The following SLC35F1 variants were observed in gnomAD, a reference collection of about 807,000 sequenced individuals.
SLC35F1 encodes solute carrier family 35 member F1.
Under a neutral mutation model 48.7 loss-of-function variants are expected in SLC35F1, and 14 were observed. The observed-to-expected ratio is 0.29, with a 90% CI of 0.19 to 0.45. The LOEUF (loss-of-function observed/expected upper bound fraction) is 0.45, where lower values mean the gene tolerates loss of function less well. Among genes scored for constraint, SLC35F1 ranks in the 20% least tolerant of loss-of-function variants. The pLI is 1.00. For synonymous variants in SLC35F1, 190 were observed against 202.2 expected (o/e 0.94, Z 0.51); for missense variants, 404 against 500.0 (o/e 0.81, Z 1.83).
chr6:118,215,246 T>C (rs1258978252), intron 2 of SLC35F1, among the ~76,000 whole-genome samples: 3 of 151,968 alleles, frequency 2.0e-5, no homozygotes, highest in South Asian at 2.1e-4. Context: ...CCGCAAGGTA[T>C]TGAGGTAGAT....
chr6:118,140,914 C>A (rs1221124505), intron 1 of SLC35F1, among the ~76,000 whole-genome samples: 1 of 151,958 alleles, frequency 6.6e-6, no homozygotes, highest in Non-Finnish European at 1.5e-5. Context: ...TATAGCTGTA[C>A]AATGTGTTTA....
intron 4 of SLC35F1, 52 bp downstream of exon 4, chr6:118,267,206 GCAAGAAATGGAATGTTC>G: frequency 6.3e-7 from 1 of 1,599,238 alleles, no homozygotes; most frequent in Non-Finnish European, 8.6e-7. Context: ...TGAGGCCAAG[GCAAGAAATGGAATGTTC>G]ATAGTTGGGT....
chr6:118,233,960 T>TCATA (rs1440006275), intron 2 of SLC35F1, among the ~76,000 whole-genome samples: 5 of 152,170 alleles, frequency 3.3e-5, no homozygotes, highest in Admixed American at 6.5e-5. Context: ...TGGCCACAAC[T>TCATA]CATGCTTTGA....
chr6:118,099,021 A>G (rs920180535), intron 1 of SLC35F1, among the ~76,000 whole-genome samples: 5 of 152,162 alleles, frequency 3.3e-5, no homozygotes, highest in African/African-American at 1.2e-4. Flanking sequence ...CGTAGATCCA[A>G]GGGAGAAAGT....
rs369142561 is a variant in SLC35F1, at chr6:118,133,918, C to G, written c.174-20527C>G. 3.4e-4 allele frequency among the ~76,000 whole-genome samples: 52 copies of G among 152,316 alleles called. 1 individual carries two copies. In the South Asian group the frequency reaches 8.1e-3, roughly 24 times the overall value. ...TGCTCTGCTTCCTAGAAGCGTTGGC[C>G]TATCTCTCCATTGAGAACCTTCTTG... On this transcript the variant is annotated intron_variant, in intron 1 of 7. Transcript: ENST00000360388.
At chr6:117,960,186 C>T (rs970892583) in intron 1 of SLC35F1, among the ~76,000 whole-genome samples, 1 of 151,920 alleles carries the variant, frequency 6.6e-6, no homozygotes, top group African/African-American at 2.4e-5. Flanking sequence ...ATATTACAAA[C>T]TATCTATGTT....
chr6:118,104,680 T>C (rs545896482), intron 1 of SLC35F1, among the ~76,000 whole-genome samples: 265 of 150,306 alleles, frequency 1.8e-3, no homozygotes, highest in African/African-American at 6.1e-3. Flanking sequence ...AATTCTGAAC[T>C]CTCTCATCAT....
intron 1 of SLC35F1, among the ~76,000 whole-genome samples, chr6:118,091,041 T>A (rs552585616): frequency 6.6e-6 from 1 of 152,304 alleles, no homozygotes; most frequent in South Asian, 2.1e-4. Context: ...AAATAAAAGA[T>A]GTCCGGATGA....
At chr6:118,056,495 C>T (rs1772465449) in intron 1 of SLC35F1, among the ~76,000 whole-genome samples, 1 of 151,966 alleles carries the variant, frequency 6.6e-6, no homozygotes, top group African/African-American at 2.4e-5. Context: ...GAAGTAAGTC[C>T]CCTTTTATAT....
intron 1 of SLC35F1, among the ~76,000 whole-genome samples, chr6:118,118,270 G>T (rs1009789005): frequency 1.3e-5 from 2 of 151,972 alleles, no homozygotes; most frequent in Non-Finnish European, 2.9e-5. Context: ...TTCTAGTGGG[G>T]ATACACTTAA....
At chr6:118,223,955 A>G (rs950334990) in intron 2 of SLC35F1, among the ~76,000 whole-genome samples, 6 of 152,208 alleles carry the variant, frequency 3.9e-5, no homozygotes, top group Non-Finnish European at 7.3e-5. Context: ...TTTGTTCAAA[A>G]CAAAATTCAC....
chr6:118,248,316 G>A (rs1005353959), intron 3 of SLC35F1, among the ~76,000 whole-genome samples: 9 of 152,112 alleles, frequency 5.9e-5, no homozygotes, highest in Non-Finnish European at 1.0e-4. Context: ...CAAAGAAGTC[G>A]ATGTTCTGAT....
At chr6:118,285,455 GGGTGTGCTAACCTCCAT>G (rs1409341737) in intron 7 of SLC35F1, 117 bp downstream of exon 7, 1 of 1,166,630 alleles carries the variant, frequency 8.6e-7, no homozygotes, top group Non-Finnish European at 1.3e-6. Context: ...TAATGTAACT[GGGTGTGCTAACCTCCAT>G]GATTTAGGTA....
At position 118,232,409 on chromosome 6, in the gene SLC35F1, G is replaced by A. The variant is rs1439326509; in HGVS notation, c.350-3100G>A. On this transcript the variant is annotated intron_variant, in intron 2 of 7. Coordinates refer to ENST00000360388, the MANE Select transcript of SLC35F1 (RefSeq NM_001029858.4). ...ACTAAAAATACAAAATTAGCTGGGC[G>A]TGGTGGTGCATGCCTGTAATCCCAG... Among the ~76,000 whole-genome samples, 10 of 152,020 alleles carry A rather than the reference G, an allele frequency of 6.6e-5. No individual in the cohort carries two copies. In the East Asian group the frequency reaches 9.7e-4, roughly 15 times the overall value.
At chr6:118,228,005 G>C (rs1388755631) in intron 2 of SLC35F1, among the ~76,000 whole-genome samples, 1 of 152,142 alleles carries the variant, frequency 6.6e-6, no homozygotes, top group East Asian at 1.9e-4. Flanking sequence ...GAGGTTCAGA[G>C]CCACTAACCC....
intron 2 of SLC35F1, among the ~76,000 whole-genome samples, chr6:118,218,729 C>T (rs1342306604): frequency 6.6e-6 from 1 of 152,192 alleles, no homozygotes; most frequent in African/African-American, 2.4e-5. Context: ...ATATTATGAT[C>T]AATTTTGGTT....
intron 1 of SLC35F1, among the ~76,000 whole-genome samples, chr6:117,981,414 A>G (rs1225577694): frequency 6.6e-6 from 1 of 152,112 alleles, no homozygotes; most frequent in Non-Finnish European, 1.5e-5. Context: ...TTTAAGATGG[A>G]GAAGGGAGCA....
intron 3 of SLC35F1, among the ~76,000 whole-genome samples, chr6:118,241,707 G>A (rs6569009): frequency 0.39 from 58,576 of 151,880 alleles, 12,042 homozygotes; most frequent in Middle Eastern, 0.49. Flanking sequence ...GAAATCCCTT[G>A]GAGCTACCCC....
intron 2 of SLC35F1, among the ~76,000 whole-genome samples, chr6:118,169,204 A>G (rs970772193): frequency 6.6e-6 from 1 of 152,210 alleles, no homozygotes; most frequent in South Asian, 2.1e-4. Context: ...TATTCCAACC[A>G]AATGTAGCAA....
Sources: gnomAD v4.1 joint callset for allele counts (sites outside exome capture counted in the v4.1 genomes callset) on GRCh38, gnomAD v4.1.1 for gene constraint, MANE v1.5 for transcripts, NCBI Gene and HGNC (gene_info 2026-07-23, HGNC 2026-07-21) for gene names.